The following DNMBP variants were observed in gnomAD, a reference collection of about 807,000 sequenced individuals.
DNMBP encodes the protein dynamin-binding protein.
DNMBP carries 87 observed loss-of-function variants against 150.0 expected under a neutral mutation model. That is an observed-to-expected ratio of 0.58 (90% CI 0.49 to 0.69). The LOEUF (loss-of-function observed/expected upper bound fraction) is 0.69, where lower values mean the gene tolerates loss of function less well. DNMBP is among the 30% of genes least tolerant of loss of function. DNMBP has a pLI of 0.00. For missense variants in DNMBP, 1,774 were observed against 1,949.0 expected, an observed-to-expected ratio of 0.91 and a Z score of 1.69; for synonymous variants, 711 against 750.4, an observed-to-expected ratio of 0.95 and a Z score of 0.86.
At chr10:99,898,679 AGAGT>A in intron 8 of DNMBP, 60 bp downstream of exon 8, 8 of 1,561,578 alleles carry the variant, frequency 5.1e-6, no homozygotes, top group Non-Finnish European at 7.0e-6. Context: ...CAGTTGCTTA[AGAGT>A]TAGTTAGGAA....
chr10:99,889,564 G>C (rs2133207692), intron 11 of DNMBP: 1 of 152,332 alleles, frequency 6.6e-6, no homozygotes, highest in African/African-American at 2.4e-5. Context: ...TGTCTGTTTT[G>C]TTTGCTGACT....
At chr10:99,898,365 T>TAA (rs749561545) in intron 8 of DNMBP, 80 bp from the exon 9 acceptor site, 17 of 1,206,270 alleles carry the variant, frequency 1.4e-5, no homozygotes, top group Admixed American at 1.8e-5. Flanking sequence ...GACCCCACCT[T>TAA]AAAAAAAACT....
intron 1 of DNMBP, among the ~76,000 whole-genome samples, chr10:99,988,905 G>T (rs2040856818): frequency 6.6e-6 from 1 of 152,118 alleles, no homozygotes; most frequent in African/African-American, 2.4e-5. Flanking sequence ...CAAGTGATTT[G>T]TCTGCCTCGG....
chr10:99,933,570 G>C (rs1172285135), intron 4 of DNMBP, among the ~76,000 whole-genome samples: 1 of 152,200 alleles, frequency 6.6e-6, no homozygotes, highest in African/African-American at 2.4e-5. Flanking sequence ...AAGAAAGCCA[G>C]TTGATTTCAA....
At chr10:99,942,411 T>A (rs2040310380) in intron 4 of DNMBP, among the ~76,000 whole-genome samples, 1 of 152,222 alleles carries the variant, frequency 6.6e-6, no homozygotes, top group Non-Finnish European at 1.5e-5. Flanking sequence ...ATGACTGTCC[T>A]GTCTTTTGGG....
chr10:100,008,549 A>G (rs1422546781), intron 1 of DNMBP, among the ~76,000 whole-genome samples: 5 of 152,234 alleles, frequency 3.3e-5, no homozygotes, highest in Admixed American at 3.3e-4. Flanking sequence ...AGTGACTGAG[A>G]GAGCTGAGAA....
intron 4 of DNMBP, chr10:99,926,990 AC>A (rs1279531743): frequency 1.3e-5 from 2 of 151,962 alleles, no homozygotes; most frequent in East Asian, 3.9e-4. Flanking sequence ...CTAAGAGCAA[AC>A]CCCTAACAGA....
At chr10:99,903,747 T>C (rs2039780691) in intron 6 of DNMBP, among the ~76,000 whole-genome samples, 1 of 152,232 alleles carries the variant, frequency 6.6e-6, no homozygotes, top group East Asian at 1.9e-4. Context: ...TCTTAGAATC[T>C]TCACCATCCA....
At chr10:99,988,465 G>A (rs2040851477) in intron 1 of DNMBP, among the ~76,000 whole-genome samples, 1 of 152,088 alleles carries the variant, frequency 6.6e-6, no homozygotes, top group South Asian at 2.1e-4. Context: ...GTAGAGGGGA[G>A]CTTAGAATAG....
chr10:99,927,607 G>T (rs1190468765), intron 4 of DNMBP, among the ~76,000 whole-genome samples: 2 of 152,164 alleles, frequency 1.3e-5, no homozygotes, highest in Non-Finnish European at 1.5e-5. Context: ...GAAGGGCAAT[G>T]GCGTGAGAGA....
At chr10:99,957,340 C>T (rs2040512246) in intron 3 of DNMBP, 135 bp from the exon 4 acceptor site, 1 of 757,834 alleles carries the variant, frequency 1.3e-6, no homozygotes, top group Non-Finnish European at 2.1e-6. Context: ...GGAGCATGAA[C>T]AATTTTGACA....
intron 10 of DNMBP, 72 bp from the exon 11 acceptor site, chr10:99,895,122 CTTTTT>C (rs373241582): frequency 1.1e-3 from 577 of 509,024 alleles, no homozygotes; most frequent in Non-Finnish European, 1.3e-3. Flanking sequence ...AAGTAGCTTG[CTTTTT>C]TTTTTTTTTT....
At chr10:100,001,916 G>T (rs1217747045) in intron 1 of DNMBP, among the ~76,000 whole-genome samples, 3 of 152,132 alleles carry the variant, frequency 2.0e-5, no homozygotes, top group African/African-American at 7.2e-5. Flanking sequence ...GGCTAGGATT[G>T]CTCCAAGTTC....
chr10:99,959,560 G>C (rs1442270041), intron 3 of DNMBP, among the ~76,000 whole-genome samples: 1 of 152,082 alleles, frequency 6.6e-6, no homozygotes. Flanking sequence ...ACTTTTAAGA[G>C]TATACAGGGA....
chr10:99,976,983 T>C (rs2040734734), intron 1 of DNMBP, among the ~76,000 whole-genome samples: 1 of 152,198 alleles, frequency 6.6e-6, no homozygotes, highest in Non-Finnish European at 1.5e-5. Context: ...ATAAACCCCA[T>C]ATAATTACTT....
intron 11 of DNMBP, among the ~76,000 whole-genome samples, chr10:99,893,098 A>C (rs1160891316): frequency 6.6e-6 from 1 of 152,226 alleles, no homozygotes; most frequent in South Asian, 2.1e-4. Context: ...AATTTAAACT[A>C]TATTGAAATA....
chr10:99,930,936 T>G, intron 4 of DNMBP: 1 of 502,186 alleles, frequency 2.0e-6, no homozygotes, highest in Non-Finnish European at 3.5e-6. Context: ...TGTGGAGTTA[T>G]TTCAACCTCA....
intron 1 of DNMBP, among the ~76,000 whole-genome samples, chr10:100,000,859 C>CAAAAAA (rs36026874): frequency 1.9e-5 from 1 of 52,544 alleles, no homozygotes; most frequent in Non-Finnish European, 4.0e-5. Context: ...CCTGTTATGG[C>CAAAAAA]AAAAAAAAAA....
chr10:99,948,551 A>G (rs1486700957), intron 4 of DNMBP, among the ~76,000 whole-genome samples: 2 of 152,188 alleles, frequency 1.3e-5, no homozygotes, highest in Non-Finnish European at 2.9e-5. Context: ...CAGACACACA[A>G]AGAGCCTAGA....
Sources: allele counts gnomAD v4.1 joint callset (sites outside exome capture counted in the v4.1 genomes callset), GRCh38; gene constraint gnomAD v4.1.1; transcripts MANE v1.5; gene names NCBI Gene and HGNC (gene_info 2026-07-23, HGNC 2026-07-21).